Variants in PDE11A observed in about 807,000 individuals in gnomAD.
PDE11A encodes the protein dual 3',5'-cyclic-AMP and -GMP phosphodiesterase 11A.
Under a neutral mutation model 100.5 loss-of-function variants are expected in PDE11A, and 100 were observed. That is an observed-to-expected ratio of 1.00 (90% CI 0.85 to 1.18). The LOEUF (loss-of-function observed/expected upper bound fraction) is 1.18. PDE11A is among the 50% of genes most tolerant of loss of function. The pLI, the probability that PDE11A is intolerant of heterozygous loss-of-function variation, is 0.00. For missense variants in PDE11A, 1,141 were observed against 1,152.6 expected (o/e 0.99, Z 0.15); for synonymous variants, 381 against 420.8 (o/e 0.91, Z 1.16).
intron 14 of PDE11A, among the ~76,000 whole-genome samples, chr2:177,700,447 A>G (rs949971375): frequency 2.7e-5 from 4 of 150,590 alleles, no homozygotes; most frequent in African/African-American, 9.7e-5. Flanking sequence ...AATGAAACAG[A>G]TCCTTTCCTG....
At chr2:177,991,405 G>A (rs894680371) in intron 2 of PDE11A, among the ~76,000 whole-genome samples, 1 of 150,856 alleles carries the variant, frequency 6.6e-6, no homozygotes, top group African/African-American at 2.4e-5. Flanking sequence ...GGAGGCCAAG[G>A]CGGGCAGATC....
upstream of PDE11A, among the ~76,000 whole-genome samples, chr2:178,076,301 T>A (rs1475910785): frequency 1.3e-5 from 2 of 152,236 alleles, no homozygotes; most frequent in Non-Finnish European, 2.9e-5. Context: ...GAGTTCCTTT[T>A]TAATATAAGT....
intron 6 of PDE11A, 152 bp from the exon 7 acceptor site, chr2:177,820,447 C>T: frequency 3.2e-6 from 2 of 615,574 alleles, no homozygotes; most frequent in South Asian, 4.0e-5. Context: ...TAAACTCACT[C>T]ACCTGCCTCC....
At chr2:178,105,685 G>C (rs1397993184) in intron 1 of PDE11A, 2 of 847,296 alleles carry the variant, frequency 2.4e-6, no homozygotes, top group East Asian at 6.2e-5. Flanking sequence ...CATAATGAAG[G>C]CCCTGAATGT....
intron 6 of PDE11A, among the ~76,000 whole-genome samples, chr2:177,824,211 AG>A (rs1379627165): frequency 1.3e-5 from 2 of 151,904 alleles, no homozygotes; most frequent in Non-Finnish European, 2.9e-5. Flanking sequence ...TGGGGAACAC[AG>A]GAAATTTGAG....
chr2:177,970,686 T>A (rs750282397), intron 2 of PDE11A, among the ~76,000 whole-genome samples: 3 of 152,054 alleles, frequency 2.0e-5, no homozygotes, highest in Non-Finnish European at 2.9e-5. Flanking sequence ...AAGTGTTAGT[T>A]GAAATAATGT....
rs569114772 is a variant in PDE11A at position 177,839,251 on chromosome 2, T to C, written c.1500+1000A>G. On this transcript the variant is annotated intron_variant, in intron 6 of 19. Transcript: ENST00000286063. ...ATGGGCTGTGGAGTTTGAGAGGTAG[T>C]AGGACTGAATTTTTGTCTGCCTCCA... Among the ~76,000 whole-genome samples, 4 of 152,258 alleles carry C rather than the reference T, an allele frequency of 2.6e-5. No individual in the cohort carries two copies. In the South Asian group the frequency reaches 8.3e-4, roughly 32 times the overall value.
chr2:177,779,679 A>T (rs1370614193), intron 9 of PDE11A, among the ~76,000 whole-genome samples: 1 of 152,222 alleles, frequency 6.6e-6, no homozygotes, highest in East Asian at 1.9e-4. Context: ...TTCAGGCTCC[A>T]CTTGTAATTC....
chr2:177,829,799 C>T (rs2083282510), intron 6 of PDE11A, among the ~76,000 whole-genome samples: 1 of 152,088 alleles, frequency 6.6e-6, no homozygotes, highest in South Asian at 2.1e-4. Context: ...CCACCTGCCA[C>T]CACCCCCAAC....
chr2:177,931,930 A>G (rs953206018), intron 2 of PDE11A, among the ~76,000 whole-genome samples: 2 of 147,940 alleles, frequency 1.4e-5, no homozygotes, highest in Non-Finnish European at 3.0e-5. Context: ...AAAAAAAAAA[A>G]GAAAGACCCA....
chr2:177,765,836 G>C (rs1237307143), intron 10 of PDE11A, among the ~76,000 whole-genome samples: 1 of 152,188 alleles, frequency 6.6e-6, no homozygotes, highest in African/African-American at 2.4e-5. Context: ...CAGAAGGCCT[G>C]TTAGTCTCTC....
In PDE11A at chr2:177,663,950, C is replaced by T. The variant is rs2080528509; in HGVS notation, c.2563-1G>A. On this transcript the variant is annotated splice_acceptor_variant, in intron 18 of 19. Transcript: ENST00000286063. LOFTEE classifies it high-confidence loss of function. Reference sequence around the variant, plus strand: ...CCTTCCGGTTCCGATCAAAAATTGCCTAGAATGGGGGGCAGGAAGAACCTC... The same window carrying T: ...CCTTCCGGTTCCGATCAAAAATTGCTTAGAATGGGGGGCAGGAAGAACCTC... 1 of 1,605,250 alleles carries T rather than the reference C, an allele frequency of 6.2e-7. No homozygotes were observed. The highest frequency in any genetic ancestry group is 8.5e-7 in the Non-Finnish European group (1 of 1,171,980).
chr2:178,070,092 T>C (rs895190863), intron 1 of PDE11A, among the ~76,000 whole-genome samples: 23 of 152,218 alleles, frequency 1.5e-4, no homozygotes, highest in Non-Finnish European at 3.4e-4. Flanking sequence ...CTTCAACATA[T>C]GAATTATTAA....
At chr2:177,865,869 C>T (rs549448870) in intron 5 of PDE11A, among the ~76,000 whole-genome samples, 82 of 152,152 alleles carry the variant, frequency 5.4e-4, no homozygotes, top group Middle Eastern at 6.8e-3. Flanking sequence ...AGGGGAGTGG[C>T]TGCTAATGGG....
At chr2:177,926,693 C>T (rs1359705275) in intron 2 of PDE11A, among the ~76,000 whole-genome samples, 1 of 152,110 alleles carries the variant, frequency 6.6e-6, no homozygotes, top group East Asian at 1.9e-4. Context: ...ATTGATTTTG[C>T]TTAAGTCCAA....
At chr2:177,658,453 C>T (rs972470789) in intron 19 of PDE11A, among the ~76,000 whole-genome samples, 5 of 151,426 alleles carry the variant, frequency 3.3e-5, no homozygotes, top group Non-Finnish European at 7.4e-5. Flanking sequence ...TTCTCTCCTC[C>T]CCTTCCCTCC....
chr2:177,728,082 C>G lies in PDE11A; in HGVS notation c.1879G>C (p.Ala627Pro). The part of the protein sequence containing the change: ...SLDVDAMITA[A>P]LRMFMELGMV... ...CCCAGCTCCATGAACATCCGGAGAG[C>G]AGCTGTGATCATGGCATCAACGTCG... The change falls in exon 11 of 20, where the codon GCT (alanine) becomes CCT (proline). Residue 627 changes from alanine to proline, a missense_variant. Coordinates refer to ENST00000286063, the MANE Select transcript of PDE11A (RefSeq NM_016953.4). 1 of 1,612,506 alleles carries G rather than the reference C, an allele frequency of 6.2e-7. No homozygotes were observed. The highest frequency in any genetic ancestry group is 8.5e-7 in the Non-Finnish European group (1 of 1,178,684).
At chr2:177,891,758 T>A (rs1302226495) in intron 4 of PDE11A, among the ~76,000 whole-genome samples, 1 of 152,230 alleles carries the variant, frequency 6.6e-6, no homozygotes, top group East Asian at 1.9e-4. Flanking sequence ...AACACAGCCA[T>A]GCTCATTCTT....
upstream of PDE11A, among the ~76,000 whole-genome samples, chr2:178,074,525 A>G (rs911319612): frequency 6.6e-6 from 1 of 152,208 alleles, no homozygotes; most frequent in African/African-American, 2.4e-5. Flanking sequence ...GGGAAGTGAG[A>G]GAAGTAGACC....
Sources: gnomAD v4.1 joint callset for allele counts (sites outside exome capture counted in the v4.1 genomes callset) on GRCh38, gnomAD v4.1.1 for gene constraint, MANE v1.5 for transcripts, NCBI Gene and HGNC (gene_info 2026-07-23, HGNC 2026-07-21) for gene names.